C8orf34: variants seen among roughly 807,000 people sequenced by gnomAD.
C8orf34 encodes the protein chromosome 8 open reading frame 34, also known as uncharacterized protein C8orf34.
Under a neutral mutation model 68.3 loss-of-function variants are expected in C8orf34, and 65 were observed. The observed-to-expected ratio is 0.95, with a 90% CI of 0.78 to 1.17. C8orf34 has a LOEUF of 1.17. Ranked by LOEUF, C8orf34 falls within the 50% of genes most tolerant of loss-of-function variation. The pLI, the probability that C8orf34 is intolerant of heterozygous loss-of-function variation, is 0.00. For missense variants in C8orf34, 664 were observed against 655.4 expected (o/e 1.01, Z -0.14); for synonymous variants, 244 against 241.2 (o/e 1.01, Z -0.11).
chr8:68,464,364 G>C (rs1812003205), intron 3 of C8orf34, among the ~76,000 whole-genome samples: 1 of 152,052 alleles, frequency 6.6e-6, no homozygotes, highest in African/African-American at 2.4e-5. Flanking sequence ...CGTGAAAATG[G>C]CCATACTGCC....
chr8:68,400,597 G>A (rs1177807482), intron 1 of C8orf34, among the ~76,000 whole-genome samples: 1 of 152,082 alleles, frequency 6.6e-6, no homozygotes, highest in Non-Finnish European at 1.5e-5. Flanking sequence ...ATCTTGCTCT[G>A]TCATCTAGGC....
chr8:68,556,690 T>A (rs1816266451), intron 7 of C8orf34, among the ~76,000 whole-genome samples: 1 of 152,138 alleles, frequency 6.6e-6, no homozygotes, highest in Non-Finnish European at 1.5e-5. Context: ...TCGGCCGATG[T>A]ACTCCCTGGT....
At chr8:68,813,524 T>C (rs1454298407) in intron 12 of C8orf34, among the ~76,000 whole-genome samples, 3 of 152,196 alleles carry the variant, frequency 2.0e-5, no homozygotes, top group Admixed American at 2.0e-4. Flanking sequence ...AAATTGATTG[T>C]TCTTCAGTGG....
At chr8:68,788,484 C>T (rs775480124) in intron 12 of C8orf34, among the ~76,000 whole-genome samples, 1 of 152,164 alleles carries the variant, frequency 6.6e-6, no homozygotes, top group Non-Finnish European at 1.5e-5. Flanking sequence ...GTTCACTCAG[C>T]TGTCACATTC....
At chr8:68,665,982 A>AC (rs1336615387) in intron 8 of C8orf34, among the ~76,000 whole-genome samples, 2 of 152,238 alleles carry the variant, frequency 1.3e-5, no homozygotes, top group Non-Finnish European at 2.9e-5. Flanking sequence ...AATTAATGGC[A>AC]AGTGTATGAG....
chr8:68,657,201 A>G (rs1819534615), intron 8 of C8orf34, among the ~76,000 whole-genome samples: 1 of 152,170 alleles, frequency 6.6e-6, no homozygotes, highest in Non-Finnish European at 1.5e-5. Flanking sequence ...GTTTAAGCAC[A>G]GTTCACATTC....
At chr8:68,408,373 C>T (rs1427316396) in intron 1 of C8orf34, among the ~76,000 whole-genome samples, 1 of 151,924 alleles carries the variant, frequency 6.6e-6, no homozygotes, top group Non-Finnish European at 1.5e-5. Context: ...ATGTAATGCT[C>T]TTGAATCATC....
chr8:68,413,867 A>G (rs1809549298), intron 1 of C8orf34, among the ~76,000 whole-genome samples: 1 of 152,108 alleles, frequency 6.6e-6, no homozygotes, highest in Non-Finnish European at 1.5e-5. Context: ...CTTCCTTCAC[A>G]CCATTCATTG....
intron 10 of C8orf34, among the ~76,000 whole-genome samples, chr8:68,724,721 C>T (rs1317192912): frequency 6.6e-6 from 1 of 152,144 alleles, no homozygotes; most frequent in African/African-American, 2.4e-5. Flanking sequence ...AACAAAAAGA[C>T]AACCATGAAA....
At chr8:68,452,723 C>T (rs540257483) in intron 3 of C8orf34, among the ~76,000 whole-genome samples, 2 of 147,130 alleles carry the variant, frequency 1.4e-5, no homozygotes, top group African/African-American at 5.0e-5. Flanking sequence ...TATGTTTTTA[C>T]TTCATTAACA....
intron 10 of C8orf34, among the ~76,000 whole-genome samples, chr8:68,774,345 A>G (rs868047104): frequency 1.3e-5 from 2 of 149,444 alleles, no homozygotes; most frequent in Non-Finnish European, 3.0e-5. Context: ...ATATATATAT[A>G]TATAAAATAA....
intron 1 of C8orf34, among the ~76,000 whole-genome samples, chr8:68,362,466 G>A (rs184598859): frequency 1.3e-3 from 193 of 152,332 alleles, no homozygotes; most frequent in African/African-American, 4.1e-3. Context: ...AGCTCCCAGC[G>A]TGAGCGACGC....
chr8:68,737,274 T>C (rs1822147880), intron 10 of C8orf34, among the ~76,000 whole-genome samples: 3 of 152,140 alleles, frequency 2.0e-5, no homozygotes, highest in African/African-American at 4.8e-5. Context: ...TTCCATTTTC[T>C]GTCCTTAATA....
intron 10 of C8orf34, among the ~76,000 whole-genome samples, chr8:68,722,299 G>C (rs6986698): frequency 6.6e-6 from 1 of 151,930 alleles, no homozygotes; most frequent in Non-Finnish European, 1.5e-5. Flanking sequence ...TATTGGATGA[G>C]GGACTCCCTA....
At chr8:68,483,156 C>A (rs1400498194) in intron 4 of C8orf34, among the ~76,000 whole-genome samples, 1 of 152,100 alleles carries the variant, frequency 6.6e-6, no homozygotes, top group East Asian at 1.9e-4. Context: ...TGAGCAGATG[C>A]CTGGAAAGAT....
intron 10 of C8orf34, among the ~76,000 whole-genome samples, chr8:68,727,028 T>G (rs1343397030): frequency 2.0e-5 from 3 of 152,156 alleles, no homozygotes; most frequent in African/African-American, 7.2e-5. Context: ...TCTTAACTAA[T>G]TTCAGCAATA....
intron 11 of C8orf34, among the ~76,000 whole-genome samples, chr8:68,777,784 T>C (rs1823563775): frequency 6.6e-6 from 1 of 152,232 alleles, no homozygotes; most frequent in Non-Finnish European, 1.5e-5. Context: ...TTATATAAAA[T>C]AGGTAAAGAG....
At chr8:68,682,931 C>T (rs1460106527) in intron 8 of C8orf34, among the ~76,000 whole-genome samples, 2 of 152,052 alleles carry the variant, frequency 1.3e-5, no homozygotes, top group Admixed American at 6.6e-5. Flanking sequence ...TTTCGCGCGG[C>T]TGTACTTGGA....
At chr8:68,533,969 A>G (rs1563513773) in intron 7 of C8orf34, 1 of 857,164 alleles carries the variant, frequency 1.2e-6, no homozygotes, top group Non-Finnish European at 1.4e-6. Context: ...AAAGAGAATA[A>G]ATAATATAAT....
Sources: allele counts gnomAD v4.1 joint callset (sites outside exome capture counted in the v4.1 genomes callset), GRCh38; gene constraint gnomAD v4.1.1; transcripts MANE v1.5; gene names NCBI Gene and HGNC (gene_info 2026-07-23, HGNC 2026-07-21).